Variants in CADM1 observed in about 807,000 individuals in gnomAD.
The protein encoded by CADM1 is TSLC-1.
CADM1 carries 15 observed loss-of-function variants against 53.1 expected under a neutral mutation model. The observed-to-expected ratio is 0.28, with a 90% confidence interval of 0.19 to 0.44. The LOEUF (loss-of-function observed/expected upper bound fraction) is 0.44, where lower values mean the gene tolerates loss of function less well. Among genes scored for constraint, CADM1 ranks in the 20% least tolerant of loss-of-function variants. The probability of loss-of-function intolerance (pLI) is 1.00; values close to 1 mark genes in which losing one functional copy is unlikely to be tolerated. For synonymous variants in CADM1, 281 were observed against 243.0 expected (o/e 1.16, Z -1.45); for missense variants, 434 against 611.3 (o/e 0.71, Z 3.06).
At chr11:115,205,872 T>C (rs1399343484) in intron 8 of CADM1, among the ~76,000 whole-genome samples, 1 of 152,200 alleles carries the variant, frequency 6.6e-6, no homozygotes, top group Non-Finnish European at 1.5e-5. Flanking sequence ...CTTAATGGTT[T>C]TAAAGCCACA....
At chr11:115,379,323 C>T (rs1039678103) in intron 1 of CADM1, among the ~76,000 whole-genome samples, 9 of 152,162 alleles carry the variant, frequency 5.9e-5, no homozygotes, top group African/African-American at 2.2e-4. Flanking sequence ...ACTCGTTTAT[C>T]TTCAATTAAA....
intron 8 of CADM1, among the ~76,000 whole-genome samples, chr11:115,208,596 G>C (rs746079775): frequency 7.2e-5 from 11 of 152,176 alleles, no homozygotes; most frequent in Non-Finnish European, 1.3e-4. Context: ...AGTCTCACCA[G>C]CTAACAAAAT....
rs71066411 is a variant in CADM1, at chr11:115,259,290, C to CTTTTTTTTT, written c.125-18879_125-18871dup. The stretch of plus-strand genomic sequence containing the variant: ...CGTGCGCCACCGCACCCAGTCTTAA[C>CTTTTTTTTT]TTTTTTTTTTTTTTTTTTTTTTTTT... On this transcript the variant is annotated intron_variant, in intron 1 of 11. Coordinates refer to ENST00000331581, the MANE Select transcript of CADM1 (RefSeq NM_001301043.2). Among the ~76,000 whole-genome samples, 11 of 55,056 alleles carry CTTTTTTTTT rather than the reference C, an allele frequency of 2.0e-4. 1 individual carries two copies. The highest frequency in any genetic ancestry group is 1.4e-3 in the East Asian group (2 of 1,430). The allele number at this position is 55,056 out of a possible 152,430, so 36.1% of individuals were successfully genotyped here.
At position 115,411,829 on chromosome 11, in the gene CADM1, A is replaced by G. The variant is rs147141532; in HGVS notation, c.124+92442T>C. 6.3e-3 allele frequency among the ~76,000 whole-genome samples: 956 copies of G among 152,286 alleles called. 46 individuals carry two copies. Among genetic ancestry groups the G allele is most frequent in the Admixed American group, 0.056 (861 of 15,284 alleles). The stretch of plus-strand genomic sequence containing the variant: ...TGGTTTTATTTCTCCAAATAGGACC[A>G]GAGTTTGATAAAAACAAATACAAAG... On this transcript the variant is annotated intron_variant, in intron 1 of 11. Transcript: ENST00000331581.
chr11:115,306,588 G>C (rs1017708569), intron 1 of CADM1, among the ~76,000 whole-genome samples: 1 of 151,940 alleles, frequency 6.6e-6, no homozygotes, highest in Non-Finnish European at 1.5e-5. Flanking sequence ...ATCTAGTACT[G>C]AACGTGGTAT....
chr11:115,479,018 C>CTA (rs1949199654), intron 1 of CADM1, among the ~76,000 whole-genome samples: 1 of 152,090 alleles, frequency 6.6e-6, no homozygotes, highest in Non-Finnish European at 1.5e-5. Context: ...ACTTGTAAAA[C>CTA]TATGTCTGTA....
chr11:115,300,295 C>G (rs1258097058), intron 1 of CADM1, among the ~76,000 whole-genome samples: 1 of 152,064 alleles, frequency 6.6e-6, no homozygotes, highest in Non-Finnish European at 1.5e-5. Flanking sequence ...TGAATGGTAA[C>G]TACAAATAGA....
intron 1 of CADM1, among the ~76,000 whole-genome samples, chr11:115,293,335 A>T (rs983846882): frequency 1.3e-5 from 2 of 152,194 alleles, no homozygotes; most frequent in Admixed American, 6.5e-5. Flanking sequence ...CGGGAGGCTG[A>T]GGCAGGAGAA....
At chr11:115,442,568 G>T (rs576741130) in intron 1 of CADM1, among the ~76,000 whole-genome samples, 104 of 152,312 alleles carry the variant, frequency 6.8e-4, no homozygotes, top group Non-Finnish European at 1.1e-3. Context: ...CACAAAGAAT[G>T]ATTTATGACA....
chr11:115,240,462 A>T (rs764290431), intron 1 of CADM1, 42 bp from the exon 2 acceptor site: 1 of 1,605,908 alleles, frequency 6.2e-7, no homozygotes, highest in South Asian at 1.1e-5. Flanking sequence ...AATTTCCATC[A>T]ATTAAAATGT....
In CADM1 at chr11:115,175,833, T is replaced by G. The variant is rs1287449803; in HGVS notation, c.*641A>C. 4.0e-6 allele frequency: 4 copies of G among 995,304 alleles called. No individual in the cohort carries two copies. Among genetic ancestry groups the G allele is most frequent in the African/African-American group, 1.7e-5 (1 of 57,270 alleles). 61.7% of individuals were successfully genotyped at this position (995,304 alleles called of 1,614,324 possible). On this transcript the variant is annotated 3_prime_UTR_variant, in exon 12 of 12. Coordinates refer to ENST00000331581, the MANE Select transcript of CADM1 (RefSeq NM_001301043.2). ...TTCTAGTCTTCACTGCTCTAAGTAT[T>G]TGAAACATGGGCAGCAGCAAAGAGT...
intron 1 of CADM1, among the ~76,000 whole-genome samples, chr11:115,303,235 G>T (rs1331308001): frequency 6.6e-6 from 1 of 151,976 alleles, no homozygotes. Context: ...CTTTTAAGGA[G>T]GCAAAGTATA....
At chr11:115,291,253 G>A (rs1480422305) in intron 1 of CADM1, among the ~76,000 whole-genome samples, 1 of 152,144 alleles carries the variant, frequency 6.6e-6, no homozygotes, top group East Asian at 1.9e-4. Flanking sequence ...TGAACATACA[G>A]TAATTCTGAA....
chr11:115,295,065 A>T (rs1944014363), intron 1 of CADM1, among the ~76,000 whole-genome samples: 1 of 152,148 alleles, frequency 6.6e-6, no homozygotes, highest in South Asian at 2.1e-4. Context: ...AAAAAGAATT[A>T]TATCAGCTCA....
chr11:115,220,288 C>G (rs902955200), intron 5 of CADM1, among the ~76,000 whole-genome samples: 7 of 152,124 alleles, frequency 4.6e-5, no homozygotes, highest in Admixed American at 4.6e-4. Flanking sequence ...ACTTAATCCA[C>G]CCTGCTTCTT....
chr11:115,414,064 C>G (rs72997919), intron 1 of CADM1, among the ~76,000 whole-genome samples: 1 of 151,584 alleles, frequency 6.6e-6, no homozygotes, highest in Non-Finnish European at 1.5e-5. Flanking sequence ...TAAGTATATA[C>G]ACACACACAC....
chr11:115,462,361 T>G (rs1948814975), intron 1 of CADM1, among the ~76,000 whole-genome samples: 1 of 152,174 alleles, frequency 6.6e-6, no homozygotes, highest in South Asian at 2.1e-4. Flanking sequence ...GCATATCACC[T>G]GCACTACATA....
At chr11:115,241,224 G>A (rs1276157491) in intron 1 of CADM1, among the ~76,000 whole-genome samples, 1 of 152,174 alleles carries the variant, frequency 6.6e-6, no homozygotes, top group East Asian at 1.9e-4. Context: ...GGCAGCCTGG[G>A]CCACCTCATA....
In CADM1 at chr11:115,187,296, C is replaced by T. The variant is rs528110139; in HGVS notation, c.1165+3592G>A. ...TGGTACAGCTACTGACAGTTTCTCA[C>T]ACACATTTCAAGTAAGTTTAGCCAG... is the stretch of plus-strand genomic sequence containing the variant. On this transcript the variant is annotated intron_variant, in intron 10 of 11. Coordinates refer to ENST00000331581, the MANE Select transcript of CADM1 (RefSeq NM_001301043.2). Among the ~76,000 whole-genome samples the T allele has an allele frequency of 3.9e-5, 6 of 152,278 alleles. No homozygotes were observed. In the South Asian group the frequency reaches 8.3e-4, roughly 21 times the overall value.
Sources: gnomAD v4.1 joint callset for allele counts (sites outside exome capture counted in the v4.1 genomes callset) on GRCh38, gnomAD v4.1.1 for gene constraint, MANE v1.5 for transcripts, NCBI Gene and HGNC (gene_info 2026-07-23, HGNC 2026-07-21) for gene names.